DYM: variants seen among roughly 807,000 people sequenced by gnomAD.
The protein encoded by DYM is dyggve-Melchior-Clausen syndrome protein.
DYM carries 78 observed loss-of-function variants against 93.1 expected under a neutral mutation model. That is an observed-to-expected ratio of 0.84 (90% CI 0.70 to 1.01). DYM has a LOEUF of 1.01. Ranked by LOEUF, DYM falls within the 50% of genes least tolerant of loss-of-function variation. The pLI is 0.00. For synonymous variants in DYM, 321 were observed against 319.7 expected (o/e 1.00, Z -0.04); for missense variants, 789 against 845.0 (o/e 0.93, Z 0.82).
chr18:49,064,261 T>G (rs142188280), intron 17 of DYM, among the ~76,000 whole-genome samples: 2,649 of 152,334 alleles, frequency 0.017, 28 homozygotes, highest in Middle Eastern at 0.027. Flanking sequence ...AGTTTGGAAA[T>G]ATAAATTTTC....
intron 14 of DYM, among the ~76,000 whole-genome samples, chr18:49,187,498 T>A (rs962082885): frequency 6.6e-6 from 1 of 152,206 alleles, no homozygotes; most frequent in Non-Finnish European, 1.5e-5. Flanking sequence ...TTCAGCAGAA[T>A]TGTACATTAA....
Position 49,394,883 on chromosome 18 carries a change from CACAA to C in DYM, c.141-3242_141-3239del, listed in dbSNP as rs1183498557. Among the ~76,000 whole-genome samples the C allele has an allele frequency of 1.7e-3, 263 of 152,234 alleles. 4 individuals carry two copies. The highest frequency in any genetic ancestry group is 5.3e-4 in the Non-Finnish European group (36 of 68,010). Reference sequence around the variant, plus strand: ...ATTTTTGACAAAGGCATCAAGAACACACAATGGGGAAAGAACAATCTCTTCAACA... The same window carrying C: ...ATTTTTGACAAAGGCATCAAGAACACTGGGGAAAGAACAATCTCTTCAACA... On this transcript the variant is annotated intron_variant, in intron 2 of 17. Transcript: ENST00000675505.
intron 15 of DYM, among the ~76,000 whole-genome samples, chr18:49,163,004 A>G (rs985681218): frequency 7.2e-5 from 11 of 152,258 alleles, no homozygotes; most frequent in Non-Finnish European, 1.6e-4. Flanking sequence ...TTTAGGTTCC[A>G]GATCTCTGGG....
intron 13 of DYM, among the ~76,000 whole-genome samples, chr18:49,211,875 G>A (rs1444378590): frequency 6.6e-6 from 1 of 152,168 alleles, no homozygotes; most frequent in African/African-American, 2.4e-5. Flanking sequence ...TATTTCTATT[G>A]AGTCTTGGAA....
At position 49,394,917 on chromosome 18, in the gene DYM, G is replaced by T. The variant is rs2069854512; in HGVS notation, c.141-3272C>A. On this transcript the variant is annotated intron_variant, in intron 2 of 17. Transcript: ENST00000675505. ...GAAAGAACAATCTCTTCAACAAATG[G>T]TACTGTGTAAACTGAATATTCACAT... Among the ~76,000 whole-genome samples the T allele has an allele frequency of 2.6e-5, 4 of 152,056 alleles. No homozygotes were observed. The South Asian group carries it at 8.3e-4, about 32-fold the overall frequency.
rs1568119780 is a variant in DYM, at chr18:49,258,805, CACACACACACACACACAGAG to C, written c.1252-332_1252-313del. ...AGACACACACACACACACACACACA[CACACACACACACACACAGAG>C]ACACACACACACACAGAGAGAGAGA... On this transcript the variant is annotated intron_variant, in intron 11 of 17. Coordinates refer to ENST00000675505, the MANE Select transcript of DYM (RefSeq NM_001353214.3). Among the ~76,000 whole-genome samples the C allele has an allele frequency of 5.9e-5, 8 of 134,876 alleles. 1 individual carries two copies. The highest frequency in any genetic ancestry group is 2.0e-4 in the African/African-American group (7 of 35,574). The allele number at this position is 134,876 out of a possible 152,430, so 88.5% of individuals were successfully genotyped here. A position where few individuals can be genotyped will look rare whatever the true frequency, so the allele number is the denominator to read the frequency against.
intron 6 of DYM, among the ~76,000 whole-genome samples, chr18:49,340,262 A>T (rs1288121461): frequency 6.6e-6 from 1 of 152,036 alleles, no homozygotes; most frequent in Non-Finnish European, 1.5e-5. Context: ...CACGTGGAGA[A>T]GTTTTAAAAG....
chr18:49,189,221 G>A (rs2145644439), intron 14 of DYM, among the ~76,000 whole-genome samples: 1 of 152,290 alleles, frequency 6.6e-6, no homozygotes, highest in Middle Eastern at 3.4e-3. Flanking sequence ...TTCACTATAT[G>A]GGTGACGGGA....
At chr18:49,316,446 T>C (rs1157117964) in intron 8 of DYM, among the ~76,000 whole-genome samples, 1 of 152,202 alleles carries the variant, frequency 6.6e-6, no homozygotes, top group Non-Finnish European at 1.5e-5. Context: ...AACTTCCAAA[T>C]TATAGAAGAA....
chr18:49,154,765 A>G (rs934024702), intron 15 of DYM, among the ~76,000 whole-genome samples: 1 of 101,140 alleles, frequency 9.9e-6, no homozygotes, highest in Non-Finnish European at 2.2e-5. Context: ...AGCAAGTTGC[A>G]TGTATACTTG....
chr18:49,217,603 C>T (rs2143873149), intron 13 of DYM, among the ~76,000 whole-genome samples: 1 of 152,342 alleles, frequency 6.6e-6, no homozygotes, highest in South Asian at 2.1e-4. Context: ...CAATAGTCAA[C>T]ATTCTTAAAG....
rs75436483 is a variant in DYM at position 49,431,353 on chromosome 18, T to C, written c.-53-906A>G. Among the ~76,000 whole-genome samples the C allele has an allele frequency of 2.3e-3, 358 of 152,368 alleles. 1 individual carries two copies. The highest frequency in any genetic ancestry group is 8.5e-3 in the African/African-American group (352 of 41,592). ...AGGAATTATCTCATTCATCTGTCTA[T>C]GCCCACTGTCTAGACTAGCATGTAA... On this transcript the variant is annotated intron_variant, in intron 1 of 17. Coordinates refer to ENST00000675505, the MANE Select transcript of DYM (RefSeq NM_001353214.3).
intron 16 of DYM, among the ~76,000 whole-genome samples, chr18:49,101,547 G>T (rs1371262183): frequency 1.3e-5 from 2 of 152,178 alleles, no homozygotes; most frequent in Non-Finnish European, 2.9e-5. Flanking sequence ...TTCTGGAGTA[G>T]AGGAGAATAA....
chr18:49,317,553 C>G (rs12957894), intron 8 of DYM, among the ~76,000 whole-genome samples: 11,544 of 40,484 alleles, frequency 0.29, 1,201 homozygotes, highest in Middle Eastern at 0.43. Flanking sequence ...ATCTAGATTT[C>G]TCTCTCTCTC....
chr18:49,189,932 C>G (rs1466335220), intron 14 of DYM, among the ~76,000 whole-genome samples: 1 of 152,202 alleles, frequency 6.6e-6, no homozygotes, highest in Non-Finnish European at 1.5e-5. Flanking sequence ...AATTAAATGA[C>G]AGTGATTCTT....
chr18:49,258,004 T>C (rs1275848019), intron 12 of DYM, among the ~76,000 whole-genome samples: 2 of 152,220 alleles, frequency 1.3e-5, no homozygotes, highest in Non-Finnish European at 2.9e-5. Flanking sequence ...CTCTTTAAAA[T>C]ATTCTCTCTT....
chr18:49,142,567 G>T (rs1177546294), intron 15 of DYM, among the ~76,000 whole-genome samples: 2 of 151,896 alleles, frequency 1.3e-5, no homozygotes, highest in African/African-American at 4.8e-5. Context: ...TTCTTTTTTT[G>T]TCTCTTTCCA....
chr18:49,258,781 G>GAC lies in DYM; in HGVS notation c.1252-290_1252-289dup, dbSNP rs61429427. Among the ~76,000 whole-genome samples the GAC allele has an allele frequency of 3.2e-3, 356 of 112,370 alleles. 4 individuals carry two copies. The highest frequency in any genetic ancestry group is 0.013 in the Middle Eastern group (3 of 224). The allele number at this position is 112,370 out of a possible 152,430, so 73.7% of individuals were successfully genotyped here. A position where few individuals can be genotyped will look rare whatever the true frequency, so the allele number is the denominator to read the frequency against. ...GTAGATTTGTAACCTAGGGATCATA[G>GAC]ACACACACACACACACACACACACA... On this transcript the variant is annotated intron_variant, in intron 11 of 17. Coordinates refer to ENST00000675505, the MANE Select transcript of DYM (RefSeq NM_001353214.3).
chr18:49,233,833 A>G (rs2093779849), intron 13 of DYM, among the ~76,000 whole-genome samples: 1 of 152,154 alleles, frequency 6.6e-6, no homozygotes, highest in South Asian at 2.1e-4. Flanking sequence ...ACCTTCATTA[A>G]GAGTTAGTGC....
Sources: allele counts gnomAD v4.1 joint callset (sites outside exome capture counted in the v4.1 genomes callset), GRCh38; gene constraint gnomAD v4.1.1; transcripts MANE v1.5; gene names NCBI Gene and HGNC (gene_info 2026-07-23, HGNC 2026-07-21).